Variants in ZFPL1 observed in about 807,000 individuals in gnomAD.
The protein encoded by ZFPL1 is zinc finger protein-like 1.
Under a neutral mutation model 32.0 loss-of-function variants are expected in ZFPL1, and 28 were observed. The observed-to-expected ratio is 0.87, with a 90% CI of 0.65 to 1.20. The LOEUF (loss-of-function observed/expected upper bound fraction) is 1.20. Among genes scored for constraint, ZFPL1 ranks in the 50% most tolerant of loss-of-function variants. The pLI is 0.00. For missense variants in ZFPL1, 386 were observed against 424.8 expected (o/e 0.91, Z 0.80); for synonymous variants, 165 against 177.0 (o/e 0.93, Z 0.54).
rs1452294690 is a variant in ZFPL1 at position 65,084,288 on chromosome 11, G to C, written c.-99G>C. On this transcript the variant is annotated 5_prime_UTR_variant, in exon 1 of 8. Transcript: ENST00000294258. ...GAAGGGAGAGGCGCAGGAGCCCTGG[G>C]GAGAGTGGTCCCTGCCCTTCCGCGC... 1 of 550,372 alleles carries C rather than the reference G, an allele frequency of 1.8e-6. No individual in the cohort carries two copies. Among genetic ancestry groups the C allele is most frequent in the African/African-American group, 1.9e-5 (1 of 52,154 alleles). The allele number at this position is 550,372 out of a possible 1,614,324, so 34.1% of individuals were successfully genotyped here. A position where few individuals can be genotyped will look rare whatever the true frequency, so the allele number is the denominator to read the frequency against.
In ZFPL1 at chr11:65,085,162, C is replaced by T. The variant is rs898295517; in HGVS notation, c.150C>T (p.Asn50=). Residue 50 remains asparagine, a synonymous_variant, in exon 3 of 8, where the codon AAC becomes AAT. Coordinates refer to ENST00000294258, the MANE Select transcript of ZFPL1 (RefSeq NM_006782.4). The stretch of plus-strand genomic sequence containing the variant: ...AATGGCTCCAAGATAGCGACTACAA[C>T]CCCAATTGCCGCCTGTGCAACATAC... ...YLQWLQDSDY[N]PNCRLCNIPL... The T allele has an allele frequency of 6.2e-7, 1 of 1,614,170 alleles. No homozygotes were observed.
chr11:65,087,040 G>C lies in ZFPL1; in HGVS notation c.594G>C (p.Val198=). The change falls in exon 6 of 8, where the codon GTG becomes GTC. Residue 198 remains valine, a synonymous_variant. Coordinates refer to ENST00000294258, the MANE Select transcript of ZFPL1 (RefSeq NM_006782.4). ...CAGGCCGGCCCGAGCAGCACACAGT[G>C]ATCCACATGGGCAATCCTGAGCCCT... The part of the protein sequence containing the change: ...ASPGRPEQHT[V]IHMGNPEPLT... 6.2e-7 allele frequency: 1 copy of C among 1,613,870 alleles called. No homozygotes were observed. The highest frequency in any genetic ancestry group is 8.5e-7 in the Non-Finnish European group (1 of 1,179,926).
chr11:65,087,677 G>T (rs923550196), intron 7 of ZFPL1: 2 of 612,364 alleles, frequency 3.3e-6, no homozygotes, highest in South Asian at 2.0e-5. Context: ...GCCCCTTCCC[G>T]ATCTGACACC....
chr11:65,087,519 C>A, intron 7 of ZFPL1, 86 bp downstream of exon 7: 1 of 1,305,700 alleles, frequency 7.7e-7, no homozygotes. Flanking sequence ...GGTTTCATGA[C>A]AAAAGGGGCT....
intron 3 of ZFPL1, 179 bp downstream of exon 3, chr11:65,085,405 A>G: frequency 1.6e-6 from 1 of 633,322 alleles, no homozygotes; most frequent in Non-Finnish European, 2.8e-6. Flanking sequence ...CTTCCTTTCT[A>G]GGCCTCACTG....
chr11:65,084,317 G>C lies in ZFPL1; in HGVS notation c.-70G>C, dbSNP rs1947647503. 2.0e-6 allele frequency: 1 copy of C among 512,478 alleles called. No individual in the cohort carries two copies. Among genetic ancestry groups the C allele is most frequent in the Non-Finnish European group, 3.5e-6 (1 of 289,210 alleles). 31.7% of individuals were successfully genotyped at this position (512,478 alleles called of 1,614,324 possible). On this transcript the variant is annotated 5_prime_UTR_variant, in exon 1 of 8. Coordinates refer to ENST00000294258, the MANE Select transcript of ZFPL1 (RefSeq NM_006782.4). ...AGTGGTCCCTGCCCTTCCGCGCCTC[G>C]AGCCATCGCTACCGCCCTTCGGAAC...
In ZFPL1 at chr11:65,084,780, C is replaced by T; in HGVS notation, c.82C>T (p.Leu28=). ...TCGGGTCAACGTCTGCGAGCACTGC[C>T]TGGTAGCCAATCACGCCAAGGTGGG... ...EHRVNVCEHC[L]VANHAKCIVQ... Residue 28 remains leucine, a synonymous_variant, in exon 2 of 8, where the codon CTG becomes TTG. Coordinates refer to ENST00000294258, the MANE Select transcript of ZFPL1 (RefSeq NM_006782.4). The T allele has an allele frequency of 6.2e-7, 1 of 1,614,168 alleles. No homozygotes were observed. The highest frequency in any genetic ancestry group is 8.5e-7 in the Non-Finnish European group (1 of 1,180,038).
At chr11:65,087,739 T>A in intron 7 of ZFPL1, 189 bp from the exon 8 acceptor site, 1 of 654,186 alleles carries the variant, frequency 1.5e-6, no homozygotes, top group Non-Finnish European at 2.6e-6. Flanking sequence ...GTTTCCAGAA[T>A]ACAGTCGTGC....
At chr11:65,087,797 C>T in intron 7 of ZFPL1, 131 bp from the exon 8 acceptor site, 1 of 952,676 alleles carries the variant, frequency 1.0e-6, no homozygotes, top group Non-Finnish European at 1.5e-6. Flanking sequence ...GTGGCAGGTG[C>T]AGGAGTGATC....
chr11:65,086,264 G>T, intron 3 of ZFPL1, 151 bp from the exon 4 acceptor site: 1 of 1,057,348 alleles, frequency 9.5e-7, no homozygotes. Context: ...CAAGAAGACT[G>T]ACATTTTAGG....
intron 2 of ZFPL1, 44 bp from the exon 3 acceptor site, chr11:65,085,071 C>T (rs1417124511): frequency 4.4e-6 from 7 of 1,583,926 alleles, no homozygotes; most frequent in South Asian, 4.4e-5. Context: ...GGTGATAGGC[C>T]GAGCAGCCCC....
At position 65,084,284 on chromosome 11, in the gene ZFPL1, C is replaced by G. The variant is rs1387818806; in HGVS notation, c.-103C>G. ...GGCTGAAGGGAGAGGCGCAGGAGCC[C>G]TGGGGAGAGTGGTCCCTGCCCTTCC... On this transcript the variant is annotated 5_prime_UTR_variant, in exon 1 of 8. Coordinates refer to ENST00000294258, the MANE Select transcript of ZFPL1 (RefSeq NM_006782.4). 1 of 550,130 alleles carries G rather than the reference C, an allele frequency of 1.8e-6. No homozygotes were observed. Among genetic ancestry groups the G allele is most frequent in the South Asian group, 2.1e-5 (1 of 47,466 alleles). The allele number at this position is 550,130 out of a possible 1,614,324, so 34.1% of individuals were successfully genotyped here.
rs780425054 is a variant in ZFPL1, at chr11:65,087,015, C to T, written c.569C>T (p.Pro190Leu). 5.1e-5 allele frequency: 83 copies of T among 1,613,848 alleles called. No homozygotes were observed. In the East Asian group the frequency reaches 1.7e-3, roughly 34 times the overall value. The change falls in exon 6 of 8, where the codon CCA becomes CTA. Residue 190 changes from proline to leucine, a missense_variant. Transcript: ENST00000294258. The stretch of plus-strand genomic sequence containing the variant: ...CAGGCCCCCCGGCCCCCAGCTTCCC[C>T]AGGCCGGCCCGAGCAGCACACAGTG... The part of the protein sequence containing the change: ...YSQAPRPPAS[P>L]GRPEQHTVIH...
rs554993008 is a variant in ZFPL1, at chr11:65,087,351, C to T, written c.664C>T (p.Arg222Trp). The T allele has an allele frequency of 2.5e-5, 41 of 1,613,954 alleles. No individual in the cohort carries two copies. The highest frequency in any genetic ancestry group is 1.3e-4 in the South Asian group (12 of 91,076). ...GGTGTATGATACGCGGGATGATGAC[C>T]GGACACCAGGCCTCCATGGAGACTG... is the stretch of plus-strand genomic sequence containing the variant. ...RKVYDTRDDD[R>W]TPGLHGDCDD... Residue 222 changes from arginine (R) to tryptophan (W), a missense_variant, in exon 7 of 8, where the codon CGG becomes TGG. Coordinates refer to ENST00000294258, the MANE Select transcript of ZFPL1 (RefSeq NM_006782.4).
At chr11:65,087,718 G>A (rs1404135868) in intron 7 of ZFPL1, 1 of 631,712 alleles carries the variant, frequency 1.6e-6, no homozygotes, top group Non-Finnish European at 2.7e-6. Flanking sequence ...CCCGACGTCT[G>A]ACACACTGTG....
Position 65,086,396 on chromosome 11 carries a change from C to T in ZFPL1, c.215-19C>T. The T allele has an allele frequency of 6.2e-7, 1 of 1,613,990 alleles. No individual in the cohort carries two copies. Among genetic ancestry groups the T allele is most frequent in the Non-Finnish European group, 8.5e-7 (1 of 1,180,012 alleles). On this transcript the variant is annotated intron_variant, in intron 3 of 7. Transcript: ENST00000294258. The stretch of plus-strand genomic sequence containing the variant: ...TCTTCTTCCTCATGTCTCTTCTCCC[C>T]TGTCTCATGGGCCCTAAGATCTCTT...
chr11:65,086,559 A>G lies in ZFPL1; in HGVS notation c.359A>G (p.Glu120Gly). Residue 120 changes from glutamate to glycine, a missense_variant, in exon 4 of 8, where the codon GAG becomes GGG. Physicochemically the swap from Glu to Gly is moderately conservative, Grantham distance 98. Transcript: ENST00000294258. ...GGCCCCGTGGCCTCCGCACTGAGAGAGAAGCTGGCCACAGTCAACTGGGCC... is the reference window on the plus strand; with the variant it reads ...GGCCCCGTGGCCTCCGCACTGAGAGGGAAGCTGGCCACAGTCAACTGGGCC... ...LAGPVASALR[E>G]KLATVNWARA... is the part of the protein sequence containing the mutation. The G allele has an allele frequency of 6.2e-7, 1 of 1,614,120 alleles. No individual in the cohort carries two copies. The highest frequency in any genetic ancestry group is 8.5e-7 in the Non-Finnish European group (1 of 1,180,024).
Position 65,087,385 on chromosome 11 carries a change from A to T in ZFPL1, c.698A>T (p.Asp233Val), listed in dbSNP as rs759068456. The T allele has an allele frequency of 6.2e-7, 1 of 1,613,976 alleles. No individual in the cohort carries two copies. The highest frequency in any genetic ancestry group is 1.7e-5 in the Admixed American group (1 of 59,986). The change falls in exon 7 of 8, where the codon GAC becomes GTC. Residue 233 changes from aspartate (D) to valine (V), a missense_variant. Asp to Val is a radical substitution (Grantham distance 152). Transcript: ENST00000294258. ...GGCCTCCATGGAGACTGTGACGATG[A>T]CAAGTACCGACGTCGGCCGGCCTTG... ...TPGLHGDCDD[D>V]KYRRRPALGW...
intron 3 of ZFPL1, chr11:65,085,988 CACTT>C: frequency 4.6e-5 from 10 of 216,164 alleles, no homozygotes; most frequent in South Asian, 2.6e-4. Flanking sequence ...TAGGGAATGC[CACTT>C]GTGTTTGATT....
Sources: gnomAD v4.1 joint callset for allele counts on GRCh38, gnomAD v4.1.1 for gene constraint, MANE v1.5 for transcripts, NCBI Gene and HGNC (gene_info 2026-07-23, HGNC 2026-07-21) for gene names.